The following ULK4 variants were observed in gnomAD, a reference collection of about 807,000 sequenced individuals.
ULK4 encodes unc-51 like kinase 4, also known as inactive serine/threonine-protein kinase ULK4.
ULK4 carries 133 observed loss-of-function variants against 160.6 expected under a neutral mutation model. That is an observed-to-expected ratio of 0.83 (90% confidence interval 0.72 to 0.96). ULK4 has a LOEUF of 0.96. ULK4 is among the 40% of genes least tolerant of loss of function. The pLI is 0.00. For missense variants in ULK4, 1,580 were observed against 1,499.5 expected (o/e 1.05, Z -0.89); for synonymous variants, 534 against 539.8 (o/e 0.99, Z 0.15).
intron 17 of ULK4, among the ~76,000 whole-genome samples, chr3:41,858,578 C>T (rs1007320262): frequency 6.7e-6 from 1 of 150,308 alleles, no homozygotes; most frequent in Non-Finnish European, 1.5e-5. Flanking sequence ...CTGCAACCTC[C>T]ACTTCCTGGA....
Position 41,835,899 on chromosome 3 carries a change from T to C in ULK4, c.1729A>G (p.Thr577Ala), listed in dbSNP as rs2125653584. 1 of 1,613,274 alleles carries C rather than the reference T, an allele frequency of 6.2e-7. No homozygotes were observed. The highest frequency in any genetic ancestry group is 8.5e-7 in the Non-Finnish European group (1 of 1,179,676). Residue 577 changes from threonine (T) to alanine (A), a missense_variant, in exon 18 of 37, where the codon ACC becomes GCC. Physicochemically the swap from Thr to Ala is moderately conservative, Grantham distance 58 (BLOSUM62 0). Transcript: ENST00000301831. ...ACAAGATAGATCAGCTCCCCAAGGGTTGGTAAAAGGCACTGTTTTAATTTG... is the reference window on the plus strand; with the variant it reads ...ACAAGATAGATCAGCTCCCCAAGGGCTGGTAAAAGGCACTGTTTTAATTTG... ...NSKLKQCLLP[T>A]LGELIYLVAT...
chr3:41,718,045 A>G (rs1228133506), intron 22 of ULK4, among the ~76,000 whole-genome samples, 184 bp from the exon 23 acceptor site: 1 of 152,236 alleles, frequency 6.6e-6, no homozygotes, highest in East Asian at 1.9e-4. Flanking sequence ...ATAAAGAAAG[A>G]AAATAAAGCA....
At chr3:41,482,363 G>T (rs1195630123) in intron 32 of ULK4, among the ~76,000 whole-genome samples, 1 of 152,176 alleles carries the variant, frequency 6.6e-6, no homozygotes, top group Non-Finnish European at 1.5e-5. Flanking sequence ...AGCAGTGATG[G>T]TGTCTTATTT....
intron 17 of ULK4, among the ~76,000 whole-genome samples, chr3:41,853,167 C>T (rs1397676865): frequency 6.6e-6 from 1 of 152,160 alleles, no homozygotes; most frequent in Non-Finnish European, 1.5e-5. Flanking sequence ...GATTGCAAAA[C>T]CCCTTCCTCA....
chr3:41,874,229 C>T (rs1697219184), intron 17 of ULK4, among the ~76,000 whole-genome samples: 1 of 152,044 alleles, frequency 6.6e-6, no homozygotes, highest in Non-Finnish European at 1.5e-5. Context: ...GGAAGTGGTG[C>T]AATCGTGCAT....
chr3:41,642,323 A>C (rs1488543329), intron 30 of ULK4, among the ~76,000 whole-genome samples: 1 of 151,934 alleles, frequency 6.6e-6, no homozygotes, highest in East Asian at 1.9e-4. Context: ...ATATCTCCTA[A>C]TGCTATCCCT....
intron 27 of ULK4, among the ~76,000 whole-genome samples, chr3:41,702,010 T>C (rs2036691811): frequency 6.6e-6 from 1 of 152,094 alleles, no homozygotes. Context: ...AAGAAAATAA[T>C]GTATGACAAT....
chr3:41,702,480 C>T (rs1416786787), intron 27 of ULK4, among the ~76,000 whole-genome samples: 1 of 152,082 alleles, frequency 6.6e-6, no homozygotes, highest in Non-Finnish European at 1.5e-5. Flanking sequence ...TATGATGTTT[C>T]TATTACATAG....
chr3:41,792,585 T>C (rs1406053272), intron 20 of ULK4, among the ~76,000 whole-genome samples: 1 of 152,160 alleles, frequency 6.6e-6, no homozygotes, highest in Non-Finnish European at 1.5e-5. Context: ...CCCTATCCAG[T>C]TATGATGGGG....
At chr3:41,530,984 G>C (rs550381966) in intron 32 of ULK4, among the ~76,000 whole-genome samples, 1 of 151,080 alleles carries the variant, frequency 6.6e-6, no homozygotes. Flanking sequence ...AGATGGTCTC[G>C]ATCTCTTGAC....
At chr3:41,833,220 G>A (rs966124871) in intron 18 of ULK4, among the ~76,000 whole-genome samples, 2 of 148,688 alleles carry the variant, frequency 1.3e-5, no homozygotes, top group Non-Finnish European at 3.0e-5. Flanking sequence ...GCAATGGTTT[G>A]TAATTCTCCT....
chr3:41,677,833 T>C (rs552553621), intron 29 of ULK4, among the ~76,000 whole-genome samples: 56 of 152,268 alleles, frequency 3.7e-4, no homozygotes, highest in Non-Finnish European at 6.8e-4. Flanking sequence ...ATGGCTGTGA[T>C]GGTGTTCCTG....
chr3:41,811,825 T>C (rs898413908), intron 19 of ULK4, among the ~76,000 whole-genome samples: 3 of 152,196 alleles, frequency 2.0e-5, no homozygotes, highest in Non-Finnish European at 2.9e-5. Flanking sequence ...CTGCGTCATG[T>C]TGTGGTTACG....
In ULK4 at chr3:41,689,045, C is replaced by T. The variant is rs115496336; in HGVS notation, c.2782-7241G>A. On this transcript the variant is annotated intron_variant, in intron 27 of 36. Coordinates refer to ENST00000301831, the MANE Select transcript of ULK4 (RefSeq NM_017886.4). ...CCGACTAGAGAAAGCCAAAAATGTT[C>T]CCCGAACCAATCACATAGGATGTCC... Among the ~76,000 whole-genome samples, 746 of 152,288 alleles carry T rather than the reference C, an allele frequency of 4.9e-3. 4 individuals are homozygous for T. Among genetic ancestry groups the T allele is most frequent in the African/African-American group, 0.017 (717 of 41,576 alleles).
intron 35 of ULK4, among the ~76,000 whole-genome samples, chr3:41,317,167 C>T (rs1412387012): frequency 6.7e-6 from 1 of 149,796 alleles, no homozygotes; most frequent in Non-Finnish European, 1.5e-5. Context: ...GCTCCGCTTC[C>T]CGGGTTCACG....
chr3:41,438,788 C>A (rs1385860496), intron 34 of ULK4, among the ~76,000 whole-genome samples: 1 of 151,998 alleles, frequency 6.6e-6, no homozygotes, highest in East Asian at 1.9e-4. Flanking sequence ...GATCATGCCA[C>A]CACTGCTCTC....
intron 29 of ULK4, among the ~76,000 whole-genome samples, chr3:41,677,171 A>C (rs2035750219): frequency 6.6e-6 from 1 of 151,924 alleles, no homozygotes; most frequent in Admixed American, 6.6e-5. Context: ...GGCCTCCCAA[A>C]GTGCTGGGAT....
intron 27 of ULK4, among the ~76,000 whole-genome samples, chr3:41,695,417 G>C (rs1037232091): frequency 1.3e-5 from 2 of 152,134 alleles, no homozygotes; most frequent in African/African-American, 4.8e-5. Flanking sequence ...GCTCCTCAGA[G>C]AAATGACTAA....
Position 41,760,826 on chromosome 3 carries a change from G to T in ULK4, c.2194-6338C>A, listed in dbSNP as rs779977879. On this transcript the variant is annotated intron_variant, in intron 21 of 36. Transcript: ENST00000301831. ...ATTTTGGATAAGGGATATTTAATCT[G>T]CAGTCAAAAACCAAAAACAGTCCAC... is the stretch of plus-strand genomic sequence containing the variant. Among the ~76,000 whole-genome samples the T allele has an allele frequency of 1.4e-4, 21 of 152,116 alleles. 1 individual carries two copies. Among genetic ancestry groups the T allele is most frequent in the Admixed American group, 3.9e-4 (6 of 15,268 alleles).
Sources: gnomAD v4.1 joint callset for allele counts (sites outside exome capture counted in the v4.1 genomes callset) on GRCh38, gnomAD v4.1.1 for gene constraint, MANE v1.5 for transcripts, NCBI Gene and HGNC (gene_info 2026-07-23, HGNC 2026-07-21) for gene names.